The following SGMS2 variants were observed in gnomAD, a reference collection of about 807,000 sequenced individuals.
The protein encoded by SGMS2 is sphingomyelin synthase 2, also known as phosphatidylcholine:ceramide cholinephosphotransferase 2.
Under a neutral mutation model 43.8 loss-of-function variants are expected in SGMS2, and 21 were observed. The ratio of observed to expected loss-of-function variants is 0.48; its 90% confidence interval spans 0.34 to 0.69. The LOEUF (loss-of-function observed/expected upper bound fraction) is 0.69. SGMS2 is among the 30% of genes least tolerant of loss of function. The probability of loss-of-function intolerance (pLI) is 0.01; values close to 1 mark genes in which losing one functional copy is unlikely to be tolerated. For synonymous variants in SGMS2, 167 were observed against 160.6 expected, an observed-to-expected ratio of 1.04 and a Z score of -0.30; for missense variants, 384 against 443.2, an observed-to-expected ratio of 0.87 and a Z score of 1.20.
intron 1 of SGMS2, among the ~76,000 whole-genome samples, chr4:107,835,862 C>T (rs755402792): frequency 6.6e-5 from 10 of 152,264 alleles, no homozygotes; most frequent in African/African-American, 1.2e-4. Flanking sequence ...GAGCAGACTC[C>T]GGACCAATGT....
intron 2 of SGMS2, chr4:107,893,441 G>C (rs893743575): frequency 6.6e-6 from 1 of 152,158 alleles, no homozygotes; most frequent in Admixed American, 6.6e-5. Flanking sequence ...TTAGTGCTTC[G>C]GACCTCCGTT....
intron 2 of SGMS2, among the ~76,000 whole-genome samples, chr4:107,861,361 G>A (rs749103457): frequency 2.0e-5 from 3 of 152,152 alleles, no homozygotes; most frequent in Admixed American, 6.5e-5. Context: ...ACCTAAATTC[G>A]ATTTTGAGAA....
At chr4:107,861,486 G>A (rs1727727397) in intron 2 of SGMS2, among the ~76,000 whole-genome samples, 1 of 152,174 alleles carries the variant, frequency 6.6e-6, no homozygotes, top group Non-Finnish European at 1.5e-5. Flanking sequence ...TTGCTTGAGA[G>A]ATGTGGTTAA....
intron 3 of SGMS2, among the ~76,000 whole-genome samples, chr4:107,896,972 A>G (rs879197672): frequency 6.6e-6 from 1 of 152,212 alleles, no homozygotes; most frequent in Non-Finnish European, 1.5e-5. Context: ...AATGTATGCT[A>G]ACTTGGATAC....
intron 2 of SGMS2, chr4:107,893,645 A>C (rs1730428146): frequency 6.6e-6 from 1 of 152,248 alleles, no homozygotes; most frequent in Non-Finnish European, 1.5e-5. Flanking sequence ...GCTCTGCAGA[A>C]GGACAAGGGA....
chr4:107,829,565 A>G (rs1343048163), intron 1 of SGMS2, among the ~76,000 whole-genome samples: 1 of 152,178 alleles, frequency 6.6e-6, no homozygotes, highest in Non-Finnish European at 1.5e-5. Context: ...TTTCCCCTCT[A>G]TTGACAAACC....
At chr4:107,846,477 G>C (rs1578519284) in intron 1 of SGMS2, among the ~76,000 whole-genome samples, 1 of 149,956 alleles carries the variant, frequency 6.7e-6, no homozygotes, top group Non-Finnish European at 1.5e-5. Flanking sequence ...ATTCCATGGT[G>C]TATATGTGCC....
chr4:107,835,449 G>A (rs1383670935), intron 1 of SGMS2, among the ~76,000 whole-genome samples: 34 of 152,034 alleles, frequency 2.2e-4, no homozygotes, highest in Non-Finnish European at 1.0e-4. Flanking sequence ...AAATGTGCAC[G>A]TTTGAATAAA....
At position 107,895,590 on chromosome 4, in the gene SGMS2, T is replaced by C. The variant is rs773253543; in HGVS notation, c.37T>C (p.Leu13=). ...AGAGACAGCAAAACTTGAAGAACAT[T>C]TGGAAAATCAACCCAGTGATCCTAC... is the stretch of plus-strand genomic sequence containing the variant. ...IIETAKLEEH[L]ENQPSDPTNT... Residue 13 remains leucine, a synonymous_variant, in exon 3 of 7, where the codon TTG becomes CTG. Transcript: ENST00000690982. The C allele has an allele frequency of 6.2e-7, 1 of 1,613,798 alleles. No individual in the cohort carries two copies. The highest frequency in any genetic ancestry group is 8.5e-7 in the Non-Finnish European group (1 of 1,179,870).
At chr4:107,856,932 T>C (rs539792861) in intron 1 of SGMS2, among the ~76,000 whole-genome samples, 1 of 152,292 alleles carries the variant, frequency 6.6e-6, no homozygotes, top group African/African-American at 2.4e-5. Flanking sequence ...TTTTGGTGTA[T>C]TCAGAGTTGT....
chr4:107,851,551 C>T (rs1727145833), intron 1 of SGMS2, among the ~76,000 whole-genome samples: 1 of 152,174 alleles, frequency 6.6e-6, no homozygotes, highest in African/African-American at 2.4e-5. Context: ...CCATTCTGCT[C>T]AGTCTGTTAA....
chr4:107,833,943 C>G (rs1726032527), intron 1 of SGMS2, among the ~76,000 whole-genome samples: 1 of 152,238 alleles, frequency 6.6e-6, no homozygotes, highest in Admixed American at 6.5e-5. Flanking sequence ...TGCACACAGT[C>G]TCCAGAATCT....
At chr4:107,868,568 A>C (rs1037138720) in intron 2 of SGMS2, among the ~76,000 whole-genome samples, 9 of 152,082 alleles carry the variant, frequency 5.9e-5, no homozygotes, top group African/African-American at 2.2e-4. Context: ...AAATACAAAA[A>C]TCAGCTGGGC....
chr4:107,898,454 G>A (rs964640450), intron 3 of SGMS2, among the ~76,000 whole-genome samples: 2 of 152,102 alleles, frequency 1.3e-5, no homozygotes, highest in Non-Finnish European at 2.9e-5. Context: ...GAAACTGCCT[G>A]TTTTTTCAGA....
intron 1 of SGMS2, among the ~76,000 whole-genome samples, chr4:107,856,688 G>A (rs1417686590): frequency 6.6e-6 from 1 of 152,130 alleles, no homozygotes; most frequent in Admixed American, 6.5e-5. Flanking sequence ...GGGTAAACAT[G>A]TACCATGGGG....
intron 2 of SGMS2, chr4:107,873,377 A>C (rs913497968): frequency 6.6e-6 from 1 of 152,122 alleles, no homozygotes; most frequent in African/African-American, 2.4e-5. Flanking sequence ...GCAGAAGTAG[A>C]TATCACAGCA....
At chr4:107,872,965 A>G (rs1728655307) in intron 2 of SGMS2, among the ~76,000 whole-genome samples, 1 of 152,210 alleles carries the variant, frequency 6.6e-6, no homozygotes, top group South Asian at 2.1e-4. Context: ...TAGAATTACT[A>G]TGTCAAAAGA....
At position 107,895,715 on chromosome 4, in the gene SGMS2, A is replaced by C; in HGVS notation, c.162A>C (p.Lys54Asn). The C allele has an allele frequency of 6.2e-7, 1 of 1,614,012 alleles. No homozygotes were observed. The highest frequency in any genetic ancestry group is 8.5e-7 in the Non-Finnish European group (1 of 1,179,962). The change falls in exon 3 of 7, where the codon AAA becomes AAC. Residue 54 changes from lysine to asparagine, a missense_variant. Physicochemically the swap from Lys to Asn is moderately conservative, Grantham distance 94 (BLOSUM62 0). Transcript: ENST00000690982. ...CCAGTGGGCTGCGAAAAGGCACCAA[A>C]AAGTACCCGGACTATATCCAAATTG... is the stretch of plus-strand genomic sequence containing the variant. ...SLSSGLRKGT[K>N]KYPDYIQIAM...
intron 1 of SGMS2, among the ~76,000 whole-genome samples, chr4:107,827,604 G>T (rs768677216): frequency 6.6e-5 from 10 of 152,168 alleles, no homozygotes; most frequent in Non-Finnish European, 1.3e-4. Flanking sequence ...ACGGACAAGT[G>T]ATAGCTCTTC....
Sources: allele counts gnomAD v4.1 joint callset (sites outside exome capture counted in the v4.1 genomes callset), GRCh38; gene constraint gnomAD v4.1.1; transcripts MANE v1.5; gene names NCBI Gene and HGNC (gene_info 2026-07-23, HGNC 2026-07-21).